The following VWC2L variants were observed in gnomAD, a reference collection of about 807,000 sequenced individuals.
The protein encoded by VWC2L is von Willebrand factor C domain-containing protein 2-like.
Under a neutral mutation model 21.6 loss-of-function variants are expected in VWC2L, and 10 were observed. That is an observed-to-expected ratio of 0.46 (90% CI 0.29 to 0.78). The LOEUF is 0.78. VWC2L is among the 30% of genes least tolerant of loss of function. VWC2L has a pLI of 0.10. For synonymous variants in VWC2L, 96 were observed against 94.3 expected (o/e 1.02, Z -0.10); for missense variants, 209 against 277.1 (o/e 0.75, Z 1.74).
At position 214,565,372 on chromosome 2, in the gene VWC2L, A is replaced by G. The variant is rs183819709; in HGVS notation, c.521-10300A>G. Among the ~76,000 whole-genome samples, 5 of 152,250 alleles carry G rather than the reference A, an allele frequency of 3.3e-5. No homozygotes were observed. In the East Asian group the frequency reaches 5.8e-4, roughly 18 times the overall value. On this transcript the variant is annotated intron_variant, in intron 3 of 3. Transcript: ENST00000312504. ...CATCTGGGCCCTTTATTTTCAACCA[A>G]TGAAAGCACTTACCATTAGCAATCA...
chr2:214,548,567 T>C (rs1325247753), intron 3 of VWC2L, among the ~76,000 whole-genome samples: 1 of 152,150 alleles, frequency 6.6e-6, no homozygotes, highest in Non-Finnish European at 1.5e-5. Context: ...GAAGCATCCT[T>C]GATGTTTTAG....
At chr2:214,451,174 C>T (rs1429744960) in intron 3 of VWC2L, among the ~76,000 whole-genome samples, 3 of 151,898 alleles carry the variant, frequency 2.0e-5, no homozygotes, top group African/African-American at 4.8e-5. Context: ...GACTGGGACC[C>T]GCATTCTATG....
At chr2:214,460,746 T>A (rs982832751) in intron 3 of VWC2L, among the ~76,000 whole-genome samples, 1 of 152,244 alleles carries the variant, frequency 6.6e-6, no homozygotes, top group African/African-American at 2.4e-5. Flanking sequence ...TTTTAAATTC[T>A]TTTTCAAGCA....
chr2:214,433,877 C>A (rs1702639442), intron 2 of VWC2L, among the ~76,000 whole-genome samples: 1 of 152,098 alleles, frequency 6.6e-6, no homozygotes. Flanking sequence ...AGCTTGAAGT[C>A]AATGGGTTAC....
chr2:214,509,212 A>C (rs1689015754), intron 3 of VWC2L, among the ~76,000 whole-genome samples: 2 of 152,194 alleles, frequency 1.3e-5, no homozygotes, highest in South Asian at 4.1e-4. Flanking sequence ...CTAAACTGAG[A>C]CTGAATTTTC....
At chr2:214,508,767 A>G (rs1689006845) in intron 3 of VWC2L, among the ~76,000 whole-genome samples, 1 of 152,068 alleles carries the variant, frequency 6.6e-6, no homozygotes, top group African/African-American at 2.4e-5. Flanking sequence ...TTCTTTTTCA[A>G]TGAAGATTTT....
chr2:214,531,497 A>G (rs34706957), intron 3 of VWC2L, among the ~76,000 whole-genome samples: 94,093 of 152,006 alleles, frequency 0.62, 29,767 homozygotes, highest in East Asian at 0.74. Context: ...TCTCTGTATT[A>G]GAATATTAGA....
intron 3 of VWC2L, among the ~76,000 whole-genome samples, chr2:214,516,891 T>C (rs981216676): frequency 1.3e-5 from 2 of 152,164 alleles, no homozygotes; most frequent in African/African-American, 4.8e-5. Flanking sequence ...AGAAAAATAA[T>C]ATCTTCCTGT....
intron 3 of VWC2L, among the ~76,000 whole-genome samples, chr2:214,457,133 T>C (rs1262609627): frequency 6.6e-6 from 1 of 152,134 alleles, no homozygotes; most frequent in Non-Finnish European, 1.5e-5. Context: ...AGAAATTGCG[T>C]TGAGTCTCTA....
At chr2:214,544,766 ATCTCT>A (rs1467200988) in intron 3 of VWC2L, among the ~76,000 whole-genome samples, 2 of 152,126 alleles carry the variant, frequency 1.3e-5, no homozygotes, top group Non-Finnish European at 2.9e-5. Context: ...TAATGGAGTG[ATCTCT>A]TCTATTATGC....
chr2:214,448,807 T>TA (rs1284014662), intron 3 of VWC2L, among the ~76,000 whole-genome samples: 5 of 152,212 alleles, frequency 3.3e-5, no homozygotes, highest in Non-Finnish European at 5.9e-5. Flanking sequence ...ACTTAGTAGT[T>TA]ACATTAATTA....
chr2:214,526,283 G>C (rs1689334859), intron 3 of VWC2L, among the ~76,000 whole-genome samples: 1 of 152,038 alleles, frequency 6.6e-6, no homozygotes, highest in South Asian at 2.1e-4. Flanking sequence ...TTATCCATGA[G>C]AGTTACTTAC....
chr2:214,567,569 C>CAGAG, intron 3 of VWC2L, among the ~76,000 whole-genome samples: 2 of 138,930 alleles, frequency 1.4e-5, no homozygotes, highest in African/African-American at 5.6e-5. Context: ...CACACACACA[C>CAGAG]ACACACACAC....
At chr2:214,454,588 G>T in intron 3 of VWC2L, among the ~76,000 whole-genome samples, 1 of 125,482 alleles carries the variant, frequency 8.0e-6, no homozygotes, top group African/African-American at 3.0e-5. Context: ...GAATTACATT[G>T]ATTGATTTTC....
At chr2:214,537,719 T>C (rs1197091201) in intron 3 of VWC2L, among the ~76,000 whole-genome samples, 2 of 152,112 alleles carry the variant, frequency 1.3e-5, no homozygotes, top group Non-Finnish European at 2.9e-5. Context: ...TTATATAACA[T>C]TGTAATCTGT....
rs73987335 is a variant in VWC2L, at chr2:214,467,607, G to A, written c.520+30849G>A. 3.7e-3 allele frequency among the ~76,000 whole-genome samples: 564 copies of A among 152,194 alleles called. 5 individuals carry two copies. Among genetic ancestry groups the A allele is most frequent in the African/African-American group, 0.013 (551 of 41,530 alleles). On this transcript the variant is annotated intron_variant, in intron 3 of 3. Coordinates refer to ENST00000312504, the MANE Select transcript of VWC2L (RefSeq NM_001080500.4). ...ATTTTTTTATGGTTTCTAGTGCACT[G>A]TTACTATACCTTGGCCCCAGCTGGA...
chr2:214,490,854 G>T (rs988543015), intron 3 of VWC2L, among the ~76,000 whole-genome samples: 6 of 152,190 alleles, frequency 3.9e-5, no homozygotes, highest in Admixed American at 2.6e-4. Flanking sequence ...ATGTGACTAG[G>T]CTAAAGCTTT....
chr2:214,419,477 GA>G (rs1156357689), intron 2 of VWC2L, among the ~76,000 whole-genome samples: 2 of 152,030 alleles, frequency 1.3e-5, no homozygotes, highest in Non-Finnish European at 2.9e-5. Context: ...TTATACTTTA[GA>G]ACTTGTACTG....
chr2:214,474,464 T>C (rs1212670763), intron 3 of VWC2L, among the ~76,000 whole-genome samples: 1 of 152,132 alleles, frequency 6.6e-6, no homozygotes, highest in Non-Finnish European at 1.5e-5. Context: ...AAGTATTTTG[T>C]CCAATATTTA....
Sources: allele counts gnomAD v4.1 joint callset (sites outside exome capture counted in the v4.1 genomes callset), GRCh38; gene constraint gnomAD v4.1.1; transcripts MANE v1.5; gene names NCBI Gene and HGNC (gene_info 2026-07-23, HGNC 2026-07-21).